Variants in RANBP2 observed in about 807,000 individuals in gnomAD.
RANBP2 encodes E3 SUMO-protein ligase RanBP2.
In RANBP2, 57 loss-of-function variants were observed where a neutral mutation model predicts 303.6. The observed-to-expected ratio is 0.19, with a 90% confidence interval of 0.15 to 0.23. The LOEUF (loss-of-function observed/expected upper bound fraction) is 0.23. Ranked by LOEUF, RANBP2 falls within the 10% of genes least tolerant of loss-of-function variation. RANBP2 has a pLI of 1.00. For missense variants in RANBP2, 3,138 were observed against 3,780.8 expected, an observed-to-expected ratio of 0.83 and a Z score of 4.46; for synonymous variants, 1,167 against 1,301.5, an observed-to-expected ratio of 0.90 and a Z score of 2.23.
chr2:109,036,828 CA>C, the RANBP2 span, among the ~76,000 whole-genome samples: 21 of 152,106 alleles, frequency 1.4e-4, no homozygotes, highest in African/African-American at 5.1e-4. Flanking sequence ...GGCAACATGG[CA>C]AAACCCCGTC....
chr2:109,347,958 A>G, the RANBP2 span: 1 of 1,590,676 alleles, frequency 6.3e-7, no homozygotes, highest in Admixed American at 1.8e-5. Flanking sequence ...AGGTAAGGTG[A>G]GCCCCGGGGT....
the RANBP2 span, among the ~76,000 whole-genome samples, chr2:108,830,819 CA>C: frequency 6.6e-4 from 91 of 138,476 alleles, no homozygotes; most frequent in Admixed American, 5.2e-3. Context: ...AAATAAAAAA[CA>C]AAAAAAAAAA....
At position 108,765,972 on chromosome 2, in the gene RANBP2, T is replaced by C. The variant is rs1176366074; in HGVS notation, c.5433T>C (p.His1811=). ...CVACDASKPT[H]KPIAEAPSAF... ...CTTGTGATGCCTCTAAACCAACTCA[T>C]AAACCTATTGCAGAAGCTCCTTCAG... The change falls in exon 20 of 29, where the codon CAT becomes CAC. Residue 1811 remains histidine, a synonymous_variant. Coordinates refer to ENST00000283195, the MANE Select transcript of RANBP2 (RefSeq NM_006267.5). 6.2e-7 allele frequency: 1 copy of C among 1,614,162 alleles called. No individual in the cohort carries two copies. Among genetic ancestry groups the C allele is most frequent in the African/African-American group, 1.3e-5 (1 of 75,066 alleles).
the RANBP2 span, among the ~76,000 whole-genome samples, chr2:109,700,632 C>T: frequency 6.6e-6 from 1 of 152,028 alleles, no homozygotes; most frequent in African/African-American, 2.4e-5. Flanking sequence ...CTAAGCAGTC[C>T]TCAGCTTGAA....
At chr2:109,150,260 A>T in the RANBP2 span, among the ~76,000 whole-genome samples, 2 of 152,154 alleles carry the variant, frequency 1.3e-5, no homozygotes, top group South Asian at 2.1e-4. Flanking sequence ...GCAAGCATGG[A>T]AGCCTAGGGT....
chr2:109,501,426 C>T, the RANBP2 span: 20 of 646,412 alleles, frequency 3.1e-5, no homozygotes, highest in South Asian at 1.4e-4. Flanking sequence ...TAATTTACAC[C>T]GAGGGAAGAA....
At chr2:109,477,728 C>T in the RANBP2 span, among the ~76,000 whole-genome samples, 1 of 152,110 alleles carries the variant, frequency 6.6e-6, no homozygotes, top group Non-Finnish European at 1.5e-5. Context: ...GATTCGGTGT[C>T]TGGTGAGGAC....
chr2:109,616,198 G>C, the RANBP2 span: 35 of 1,338,432 alleles, frequency 2.6e-5, no homozygotes, highest in Non-Finnish European at 3.3e-5. Context: ...AATGGATGGG[G>C]CGGAGTTCTC....
At chr2:109,501,930 TGAG>T in the RANBP2 span, 1 of 441,076 alleles carries the variant, frequency 2.3e-6, no homozygotes, top group South Asian at 3.9e-5. Context: ...GAAAGCACCT[TGAG>T]GAAGAGAGGC....
chr2:109,723,074 C>T, the RANBP2 span, among the ~76,000 whole-genome samples: 1 of 152,198 alleles, frequency 6.6e-6, no homozygotes, highest in African/African-American at 2.4e-5. Flanking sequence ...AATTAATTTA[C>T]ACTCCCACTA....
At chr2:109,691,248 T>C in the RANBP2 span, among the ~76,000 whole-genome samples, 1,133 of 152,280 alleles carry the variant, frequency 7.4e-3, 19 homozygotes, top group African/African-American at 0.026. Context: ...CTGTGGACTA[T>C]TGGGAGAGAA....
At chr2:109,203,995 G>C in the RANBP2 span, among the ~76,000 whole-genome samples, 2 of 152,188 alleles carry the variant, frequency 1.3e-5, no homozygotes, top group Admixed American at 6.5e-5. Flanking sequence ...GGCTTGAAGG[G>C]GCTCTGAGTG....
the RANBP2 span, chr2:109,614,271 C>A: frequency 1.6e-6 from 1 of 616,644 alleles, no homozygotes; most frequent in Non-Finnish European, 2.3e-6. Context: ...CGGAAGTGGG[C>A]GTGGCCTGGT....
chr2:108,736,291 T>G, intron 6 of RANBP2, 42 bp downstream of exon 6: 2 of 1,611,616 alleles, frequency 1.2e-6, no homozygotes, highest in Non-Finnish European at 1.7e-6. Context: ...TAAATTGCAG[T>G]TTTTCTTTTT....
chr2:109,000,768 A>G, the RANBP2 span, among the ~76,000 whole-genome samples: 1 of 152,184 alleles, frequency 6.6e-6, no homozygotes, highest in African/African-American at 2.4e-5. Context: ...GACTTATCTC[A>G]TACAACCCTT....
At chr2:108,977,435 A>AT in the RANBP2 span, among the ~76,000 whole-genome samples, 2 of 151,766 alleles carry the variant, frequency 1.3e-5, no homozygotes, top group Non-Finnish European at 2.9e-5. Context: ...TGCCTGGCTA[A>AT]TTTTTTTTGT....
the RANBP2 span, among the ~76,000 whole-genome samples, chr2:108,961,222 T>G: frequency 2.6e-5 from 4 of 151,772 alleles, no homozygotes; most frequent in African/African-American, 7.2e-5. Context: ...TAATTTTTAA[T>G]GAAAGGGTAA....
In RANBP2 at chr2:108,719,573, T is replaced by G; in HGVS notation, c.-34T>G. The G allele has an allele frequency of 1.3e-6, 2 of 1,588,858 alleles. No individual in the cohort carries two copies. The highest frequency in any genetic ancestry group is 1.7e-6 in the Non-Finnish European group (2 of 1,169,548). On this transcript the variant is annotated 5_prime_UTR_variant, in exon 1 of 29. Transcript: ENST00000283195. ...CGACTGCTGCGGGCCTGAGCGCTGG[T>G]CTCACGCGCCTCGGGAGCCAGGTTG...
chr2:108,793,242 G>A, the RANBP2 span, among the ~76,000 whole-genome samples: 2 of 151,248 alleles, frequency 1.3e-5, no homozygotes, highest in African/African-American at 2.4e-5. Flanking sequence ...GCTGGCCCCT[G>A]TAGTCCCAGC....
Sources: gnomAD v4.1 joint callset for allele counts (sites outside exome capture counted in the v4.1 genomes callset) on GRCh38, gnomAD v4.1.1 for gene constraint, MANE v1.5 for transcripts, NCBI Gene and HGNC (gene_info 2026-07-23, HGNC 2026-07-21) for gene names.